ENOX2: variants seen among roughly 807,000 people sequenced by gnomAD.
ENOX2 encodes APK1 antigen.
Under a neutral mutation model 45.0 loss-of-function variants are expected in ENOX2, and 36 were observed. The ratio of observed to expected loss-of-function variants is 0.80; its 90% confidence interval spans 0.61 to 1.06. The LOEUF is 1.06. Among genes scored for constraint, ENOX2 ranks in the 50% least tolerant of loss-of-function variants. The pLI is 0.00. For synonymous variants in ENOX2, 174 were observed against 152.3 expected (o/e 1.14, Z -1.05); for missense variants, 423 against 462.5 (o/e 0.91, Z 0.78).
intron 10 of ENOX2, among the ~76,000 whole-genome samples, chrX:130,643,533 A>G (rs1270958958): frequency 2.7e-5 from 3 of 112,016 alleles, no homozygotes; most frequent in African/African-American, 9.7e-5. Context: ...AAGAAAGTGG[A>G]AGTGGCTATA....
chrX:130,822,815 T>C (rs1174063513), intron 2 of ENOX2, among the ~76,000 whole-genome samples: 1 of 112,265 alleles, frequency 8.9e-6, no homozygotes, highest in Non-Finnish European at 1.9e-5. Context: ...TTCAATACTT[T>C]ATTATAAAAT....
intron 2 of ENOX2, among the ~76,000 whole-genome samples, chrX:130,816,997 A>G (rs2077500220): frequency 8.9e-6 from 1 of 112,185 alleles, no homozygotes; most frequent in South Asian, 3.7e-4. Context: ...TTTTGAAAAG[A>G]TTAACAAAAT....
At chrX:130,832,783 C>T (rs2077859740) in intron 2 of ENOX2, among the ~76,000 whole-genome samples, 1 of 110,414 alleles carries the variant, frequency 9.1e-6, no homozygotes, top group Non-Finnish European at 1.9e-5. Context: ...TGTCTATAAA[C>T]CTTTAGGGAC....
At chrX:130,836,334 G>A (rs1225853967) in intron 2 of ENOX2, among the ~76,000 whole-genome samples, 1 of 111,463 alleles carries the variant, frequency 9.0e-6, no homozygotes, top group African/African-American at 3.3e-5. Context: ...CCCTTCTCTA[G>A]GGACTGAGCA....
At position 130,851,748 on chromosome X, in the gene ENOX2, C is replaced by T. The variant is rs191989158; in HGVS notation, c.-183+49936G>A. ...AAAAGTCATACTGAGGAGGATAATA[C>T]GGCAGGGTTCTGACCACACAGTATG... On this transcript the variant is annotated intron_variant, in intron 2 of 14. Transcript: ENST00000394363. Among the ~76,000 whole-genome samples the T allele has an allele frequency of 7.5e-4, 84 of 112,012 alleles. 2 individuals carry two copies. Among genetic ancestry groups the T allele is most frequent in the African/African-American group, 2.6e-3 (80 of 30,876 alleles).
intron 2 of ENOX2, among the ~76,000 whole-genome samples, chrX:130,818,911 G>C (rs1263545997): frequency 8.9e-6 from 1 of 112,204 alleles, no homozygotes; most frequent in African/African-American, 3.2e-5. Flanking sequence ...CATAGCAAAA[G>C]AAACTACCAT....
At chrX:130,871,160 T>C (rs1432789579) in intron 2 of ENOX2, among the ~76,000 whole-genome samples, 2 of 111,741 alleles carry the variant, frequency 1.8e-5, no homozygotes, top group African/African-American at 3.2e-5. Flanking sequence ...GCCATTACTG[T>C]ATAACATATG....
intron 2 of ENOX2, among the ~76,000 whole-genome samples, chrX:130,832,440 TACACAC>T (rs61623401): frequency 0.024 from 2,206 of 91,026 alleles, 43 homozygotes; most frequent in Admixed American, 0.086. Flanking sequence ...CACACACACA[TACACAC>T]ACACACACAC....
chrX:130,861,930 A>T (rs1353206471), intron 2 of ENOX2, among the ~76,000 whole-genome samples: 2 of 111,601 alleles, frequency 1.8e-5, no homozygotes, highest in African/African-American at 6.5e-5. Flanking sequence ...CATGAAATAC[A>T]TATAGCTTTT....
At chrX:130,659,525 A>C (rs925503252) in intron 9 of ENOX2, among the ~76,000 whole-genome samples, 2 of 112,516 alleles carry the variant, frequency 1.8e-5, no homozygotes, top group African/African-American at 6.5e-5. Context: ...ACAATAAAGG[A>C]ATTTCTCATT....
At chrX:130,861,278 T>C (rs2078403450) in intron 2 of ENOX2, among the ~76,000 whole-genome samples, 1 of 109,517 alleles carries the variant, frequency 9.1e-6, no homozygotes, top group Admixed American at 9.7e-5. Context: ...GGATCTGAAA[T>C]CATTATCTTG....
At chrX:130,821,740 AT>A (rs2077608822) in intron 2 of ENOX2, among the ~76,000 whole-genome samples, 1 of 74,830 alleles carries the variant, frequency 1.3e-5, no homozygotes, top group Non-Finnish European at 2.5e-5. Flanking sequence ...AAATAAATAA[AT>A]TAAAAAAAAA....
intron 2 of ENOX2, among the ~76,000 whole-genome samples, chrX:130,885,042 C>T (rs1261463259): frequency 2.7e-5 from 3 of 112,272 alleles, no homozygotes; most frequent in African/African-American, 9.7e-5. Context: ...TACTTTCATT[C>T]ATATTGATGT....
chrX:130,716,192 C>CAA (rs765966478), intron 3 of ENOX2, among the ~76,000 whole-genome samples: 1 of 111,280 alleles, frequency 9.0e-6, no homozygotes. Flanking sequence ...GTATTTACAA[C>CAA]AAAAAAAGGA....
intron 2 of ENOX2, among the ~76,000 whole-genome samples, chrX:130,800,694 T>C (rs112192841): frequency 1.3e-3 from 149 of 112,348 alleles, no homozygotes; most frequent in Non-Finnish European, 1.5e-3. Flanking sequence ...TAGCTGTGGC[T>C]TGCTTATTGT....
At chrX:130,631,398 T>C in intron 13 of ENOX2, 70 bp downstream of exon 13, 1 of 594,961 alleles carries the variant, frequency 1.7e-6, no homozygotes, top group South Asian at 2.6e-5. Context: ...TTATTAATCT[T>C]AGGTAAAGCC....
chrX:130,844,232 A>G (rs2078060678), intron 2 of ENOX2, among the ~76,000 whole-genome samples: 2 of 111,249 alleles, frequency 1.8e-5, no homozygotes, highest in Admixed American at 1.9e-4. Flanking sequence ...CTTCCTTAAC[A>G]TATCTATTTC....
At chrX:130,777,788 G>A (rs1408959577) in intron 3 of ENOX2, among the ~76,000 whole-genome samples, 2 of 111,642 alleles carry the variant, frequency 1.8e-5, no homozygotes, top group African/African-American at 3.3e-5. Flanking sequence ...ACTTCACACT[G>A]GATTTCTTCT....
At chrX:130,633,514 T>A (rs1283044410) in intron 12 of ENOX2, among the ~76,000 whole-genome samples, 2 of 112,961 alleles carry the variant, frequency 1.8e-5, no homozygotes, top group African/African-American at 6.4e-5. Context: ...TCTTTTCCCC[T>A]GTCCTCATCA....
Sources: gnomAD v4.1 joint callset for allele counts (sites outside exome capture counted in the v4.1 genomes callset) on GRCh38, gnomAD v4.1.1 for gene constraint, MANE v1.5 for transcripts, NCBI Gene and HGNC (gene_info 2026-07-23, HGNC 2026-07-21) for gene names.